Variants in ALDH1A2 observed in about 807,000 individuals in gnomAD.
ALDH1A2 encodes retinal dehydrogenase 2.
Under a neutral mutation model 60.3 loss-of-function variants are expected in ALDH1A2, and 27 were observed. The ratio of observed to expected loss-of-function variants is 0.45; its 90% confidence interval spans 0.33 to 0.62. The LOEUF is 0.62. ALDH1A2 is among the 20% of genes least tolerant of loss of function. The pLI is 0.02. For synonymous variants in ALDH1A2, 289 were observed against 232.4 expected (o/e 1.24, Z -2.21); for missense variants, 581 against 643.8 (o/e 0.90, Z 1.06).
chr15:57,996,412 A>C (rs1895064332), intron 4 of ALDH1A2, among the ~76,000 whole-genome samples: 1 of 149,770 alleles, frequency 6.7e-6, no homozygotes, highest in South Asian at 2.1e-4. Flanking sequence ...AGGAACTTTT[A>C]TTCACATACA....
intron 1 of ALDH1A2, chr15:58,065,121 C>T (rs974008107): frequency 1.0e-5 from 3 of 286,528 alleles, no homozygotes; most frequent in Non-Finnish European, 1.4e-5. Flanking sequence ...CCGAGGGGCC[C>T]GGAAGGCGGA....
chr15:57,963,108 G>A (rs1303570097), intron 9 of ALDH1A2, among the ~76,000 whole-genome samples: 1 of 152,118 alleles, frequency 6.6e-6, no homozygotes, highest in African/African-American at 2.4e-5. Flanking sequence ...CAAGCTACAA[G>A]GGATCTGTCC....
At chr15:58,060,232 T>A (rs1896990301) in intron 1 of ALDH1A2, among the ~76,000 whole-genome samples, 1 of 152,194 alleles carries the variant, frequency 6.6e-6, no homozygotes. Context: ...GTTGATCACA[T>A]AATTCTGATC....
chr15:58,065,382 C>G, intron 1 of ALDH1A2, 152 bp downstream of exon 1: 1 of 772,602 alleles, frequency 1.3e-6, no homozygotes, highest in South Asian at 1.4e-5. Flanking sequence ...GTCCCGAAGA[C>G]AGGCAGGGGG....
At chr15:57,989,955 T>TGCAGTCC (rs1296969304) in intron 7 of ALDH1A2, among the ~76,000 whole-genome samples, 2 of 52,200 alleles carry the variant, frequency 3.8e-5, no homozygotes, top group Non-Finnish European at 1.0e-4. Context: ...ATTGCGTCAC[T>TGCAGTCC]GCAGTCCGCA....
At chr15:58,041,226 T>C (rs367641838) in intron 1 of ALDH1A2, among the ~76,000 whole-genome samples, 4 of 151,936 alleles carry the variant, frequency 2.6e-5, no homozygotes, top group African/African-American at 9.7e-5. Flanking sequence ...AACACCACCA[T>C]TTATGTAAAT....
At chr15:58,052,567 G>C (rs1228567821) in intron 1 of ALDH1A2, among the ~76,000 whole-genome samples, 1 of 152,060 alleles carries the variant, frequency 6.6e-6, no homozygotes, top group East Asian at 1.9e-4. Flanking sequence ...CTGTTACCAG[G>C]AAATTTAAGT....
intron 1 of ALDH1A2, among the ~76,000 whole-genome samples, chr15:58,044,489 C>G (rs1453042615): frequency 1.3e-5 from 2 of 152,028 alleles, no homozygotes; most frequent in East Asian, 3.9e-4. Context: ...TACTTCAGCA[C>G]AATCAACACA....
intron 1 of ALDH1A2, among the ~76,000 whole-genome samples, chr15:58,024,067 T>G (rs1171479703): frequency 6.6e-6 from 1 of 152,128 alleles, no homozygotes; most frequent in Non-Finnish European, 1.5e-5. Context: ...CACTCCAGCC[T>G]GGGCAACAAA....
intron 1 of ALDH1A2, among the ~76,000 whole-genome samples, chr15:58,044,937 C>T (rs1473795077): frequency 2.0e-5 from 3 of 151,758 alleles, no homozygotes; most frequent in African/African-American, 4.8e-5. Flanking sequence ...TGTAGAATCT[C>T]GGTATCCCAG....
chr15:57,963,711 C>T (rs2140452265), intron 9 of ALDH1A2, among the ~76,000 whole-genome samples, 174 bp downstream of exon 9: 1 of 152,246 alleles, frequency 6.6e-6, no homozygotes, highest in Non-Finnish European at 1.5e-5. Flanking sequence ...GACAGAGAAG[C>T]ATAAGAAATA....
Position 57,965,736 on chromosome 15 carries a change from G to T in ALDH1A2, c.890C>A (p.Ala297Asp). ...LGGKSPNIIF[A>D]DADLDYAVEQ... Reference sequence around the variant, plus strand: ...TGTAGTTGACTTACAGTCAGCATCAGCAAAAATAATATTAGGACTTTTGCC... The same window carrying T: ...TGTAGTTGACTTACAGTCAGCATCATCAAAAATAATATTAGGACTTTTGCC... Residue 297 changes from alanine to aspartate, a missense_variant, in exon 8 of 13, where the codon GCT becomes GAT. By Grantham distance (126) the Ala-to-Asp change is moderately radical (BLOSUM62 -2). Coordinates refer to ENST00000249750, the MANE Select transcript of ALDH1A2 (RefSeq NM_003888.4). 6.2e-7 allele frequency: 1 copy of T among 1,613,380 alleles called. No homozygotes were observed. Among genetic ancestry groups the T allele is most frequent in the Non-Finnish European group, 8.5e-7 (1 of 1,179,314 alleles).
chr15:58,002,221 G>A (rs1396968690), intron 4 of ALDH1A2, among the ~76,000 whole-genome samples: 1 of 151,816 alleles, frequency 6.6e-6, no homozygotes, highest in East Asian at 1.9e-4. Context: ...AAATTTTACT[G>A]AGTATGTGTG....
intron 7 of ALDH1A2, among the ~76,000 whole-genome samples, chr15:57,976,436 G>A (rs547608917): frequency 1.3e-5 from 2 of 152,122 alleles, no homozygotes; most frequent in South Asian, 4.2e-4. Context: ...AGCCCGACAG[G>A]CCCCGGTGTG....
chr15:58,016,877 T>G (rs1425940232), intron 1 of ALDH1A2, among the ~76,000 whole-genome samples: 1 of 152,208 alleles, frequency 6.6e-6, no homozygotes, highest in Non-Finnish European at 1.5e-5. Flanking sequence ...AGTCTAGAGA[T>G]GCCATCTTTG....
At chr15:57,988,879 T>C (rs1894799966) in intron 7 of ALDH1A2, among the ~76,000 whole-genome samples, 1 of 108,370 alleles carries the variant, frequency 9.2e-6, no homozygotes, top group African/African-American at 3.4e-5. Flanking sequence ...CTACCTGATA[T>C]TGTTATGTGC....
chr15:58,004,878 T>C (rs1360038420), intron 4 of ALDH1A2, among the ~76,000 whole-genome samples: 7 of 150,680 alleles, frequency 4.6e-5, no homozygotes, highest in African/African-American at 1.7e-4. Flanking sequence ...ATGAAAAAAA[T>C]CACCGATGAC....
rs189170524 is a variant in ALDH1A2 at position 58,047,442 on chromosome 15, G to C, written c.117+18092C>G. 1.3e-3 allele frequency among the ~76,000 whole-genome samples: 193 copies of C among 151,938 alleles called. 1 individual carries two copies. Among genetic ancestry groups the C allele is most frequent in the Admixed American group, 0.011 (160 of 15,234 alleles). ...TAAGGAAGTAGTTTGAGGACTTAAT[G>C]GTAGTTATCTCCTTTTACATGATTG... On this transcript the variant is annotated intron_variant, in intron 1 of 12. Transcript: ENST00000249750.
chr15:57,959,001 C>G (rs1354677105), intron 12 of ALDH1A2, among the ~76,000 whole-genome samples: 1 of 152,116 alleles, frequency 6.6e-6, no homozygotes, highest in African/African-American at 2.4e-5. Flanking sequence ...CAGATAGAGC[C>G]AAACTGTCTC....
Sources: allele counts gnomAD v4.1 joint callset (sites outside exome capture counted in the v4.1 genomes callset), GRCh38; gene constraint gnomAD v4.1.1; transcripts MANE v1.5; gene names NCBI Gene and HGNC (gene_info 2026-07-23, HGNC 2026-07-21).